Variants in DDX55 observed in about 807,000 individuals in gnomAD.
The protein encoded by DDX55 is DEAD-box helicase 55.
A neutral mutation model predicts 69.2 loss-of-function variants in DDX55; 56 were observed. The ratio of observed to expected loss-of-function variants is 0.81; its 90% CI spans 0.65 to 1.01. The LOEUF is 1.01. Ranked by LOEUF, DDX55 falls within the 50% of genes least tolerant of loss-of-function variation. The probability of loss-of-function intolerance (pLI) is 0.00; values close to 1 mark genes in which losing one functional copy is unlikely to be tolerated. For missense variants in DDX55, 720 were observed against 745.1 expected (o/e 0.97, Z 0.39); for synonymous variants, 268 against 273.1 (o/e 0.98, Z 0.18).
At chr12:123,615,163 A>G in intron 8 of DDX55, 22 bp from the exon 9 acceptor site, 1 of 1,613,612 alleles carries the variant, frequency 6.2e-7, no homozygotes, top group Non-Finnish European at 8.5e-7. Context: ...CAATGACTCT[A>G]AGCCCTCTGT....
chr12:123,603,657 T>A (rs956046751), intron 1 of DDX55, among the ~76,000 whole-genome samples: 13 of 152,122 alleles, frequency 8.5e-5, no homozygotes, highest in Admixed American at 7.2e-4. Context: ...CCCAAAGTGC[T>A]GGGATTACAG....
chr12:123,610,189 T>A, intron 7 of DDX55, 61 bp downstream of exon 7: 1 of 1,540,914 alleles, frequency 6.5e-7, no homozygotes, highest in South Asian at 1.2e-5. Flanking sequence ...TTATGGAAAT[T>A]GTACTGGTAG....
chr12:123,613,622 G>A (rs1459663248), intron 8 of DDX55, among the ~76,000 whole-genome samples: 1 of 152,192 alleles, frequency 6.6e-6, no homozygotes, highest in Non-Finnish European at 1.5e-5. Flanking sequence ...TTAGGGCAAT[G>A]TTAGCTATAT....
At chr12:123,619,854 A>G (rs1365850708) in intron 13 of DDX55, 110 bp from the exon 14 acceptor site, 5 of 1,521,482 alleles carry the variant, frequency 3.3e-6, no homozygotes, top group East Asian at 2.3e-5. Context: ...AATTTGCTCT[A>G]TTTGCAGAAG....
At chr12:123,604,655 A>G (rs983191118) in intron 1 of DDX55, among the ~76,000 whole-genome samples, 2 of 152,194 alleles carry the variant, frequency 1.3e-5, no homozygotes, top group Non-Finnish European at 2.9e-5. Context: ...CAAATAACAC[A>G]CTAGATTTTG....
intron 1 of DDX55, 137 bp from the exon 2 acceptor site, chr12:123,605,791 ATGG>A: frequency 9.0e-7 from 1 of 1,117,306 alleles, no homozygotes. Flanking sequence ...CAACTTCTCT[ATGG>A]TGACTTGGTT....
chr12:123,602,387 G>T, intron 1 of DDX55, 131 bp downstream of exon 1: 1 of 876,922 alleles, frequency 1.1e-6, no homozygotes, highest in Middle Eastern at 3.6e-4. Flanking sequence ...CTCTTGCCTT[G>T]TCTCCAGCTG....
chr12:123,618,976 G>C, intron 12 of DDX55, 139 bp downstream of exon 12: 1 of 1,281,928 alleles, frequency 7.8e-7, no homozygotes, highest in Non-Finnish European at 1.1e-6. Flanking sequence ...ACTGGCTGCT[G>C]AGTATTCCTT....
intron 13 of DDX55, 48 bp from the exon 14 acceptor site, chr12:123,619,916 C>T: frequency 1.3e-6 from 2 of 1,579,294 alleles, no homozygotes; most frequent in Non-Finnish European, 1.7e-6. Flanking sequence ...TTCACTACAA[C>T]ACTATTGCTG....
chr12:123,614,392 A>C (rs1055152119), intron 8 of DDX55, among the ~76,000 whole-genome samples: 2 of 152,226 alleles, frequency 1.3e-5, no homozygotes, highest in Non-Finnish European at 2.9e-5. Context: ...AGTCTGGTCT[A>C]GTGGGAGGAG....
intron 7 of DDX55, 143 bp downstream of exon 7, chr12:123,610,271 G>C (rs1267521209): frequency 9.7e-7 from 1 of 1,034,300 alleles, no homozygotes; most frequent in East Asian, 2.6e-5. Context: ...CAAATGGCCT[G>C]AGTGGTCCTA....
intron 10 of DDX55, 30 bp downstream of exon 10, chr12:123,616,633 G>A: frequency 3.8e-6 from 6 of 1,599,884 alleles, no homozygotes; most frequent in African/African-American, 2.7e-5. Context: ...CCCACTCTCT[G>A]TTGAGGAATT....
In DDX55 at chr12:123,619,614, A is replaced by C; in HGVS notation, c.1516A>C (p.Lys506Gln). 1.2e-6 allele frequency: 2 copies of C among 1,613,874 alleles called. No homozygotes were observed. The highest frequency in any genetic ancestry group is 1.7e-6 in the Non-Finnish European group (2 of 1,179,994). Residue 506 changes from lysine (K) to glutamine (Q), a missense_variant, in exon 13 of 14, where the codon AAA becomes CAA. Physicochemically the swap from Lys to Gln is moderately conservative, Grantham distance 53 (BLOSUM62 1). Transcript: ENST00000238146. ...QKLLEQQRRE[K>Q]TENEGRRKFI... ...ACTCCTGGAGCAACAAAGAAGAGAG[A>C]AAACAGAAAATGAAGGGAGAAGAAA...
In DDX55 at chr12:123,618,796, C is replaced by T. The variant is rs375169104; in HGVS notation, c.1292C>T (p.Ala431Val). ...GMKAFVSYVQ[A>V]YAKHECNLIF... is the part of the protein sequence containing the mutation. ...AAAGCTTTTGTGTCATATGTCCAAGCTTATGCAAAGCATGAATGCAACCTG... is the reference window on the plus strand; with the variant it reads ...AAAGCTTTTGTGTCATATGTCCAAGTTTATGCAAAGCATGAATGCAACCTG... Residue 431 changes from alanine (A) to valine (V), a missense_variant, in exon 12 of 14, where the codon GCT becomes GTT. Coordinates refer to ENST00000238146, the MANE Select transcript of DDX55 (RefSeq NM_020936.3). 1.2e-6 allele frequency: 2 copies of T among 1,614,074 alleles called. No individual in the cohort carries two copies. Among genetic ancestry groups the T allele is most frequent in the African/African-American group, 2.7e-5 (2 of 74,932 alleles).
At chr12:123,618,463 T>A (rs973191496) in intron 11 of DDX55, 2 of 1,462,172 alleles carry the variant, frequency 1.4e-6, no homozygotes, top group South Asian at 2.4e-5. Context: ...ATTAGGATTG[T>A]CATGTGAAAT....
intron 7 of DDX55, 108 bp from the exon 8 acceptor site, chr12:123,613,062 C>T: frequency 1.8e-6 from 2 of 1,128,504 alleles, no homozygotes; most frequent in South Asian, 2.7e-5. Context: ...TCTGTCCTAC[C>T]CATGGGGGAA....
rs369457066 is a variant in DDX55, at chr12:123,617,801, G to T, written c.1093G>T (p.Gly365Trp). ...CGGTCGCACAGCTCGCATTGGCCAC[G>T]GGGGCAGCGCTCTGGTGTTCCTCCT... Reference protein sequence around the residue: ...RCGRTARIGHGGSALVFLLPM... With the variant: ...RCGRTARIGHWGSALVFLLPM... The change falls in exon 11 of 14, where the codon GGG becomes TGG. Residue 365 changes from glycine (G) to tryptophan (W), a missense_variant. Gly to Trp is a radical substitution (Grantham distance 184, BLOSUM62 -2). Coordinates refer to ENST00000238146, the MANE Select transcript of DDX55 (RefSeq NM_020936.3). 1.3e-5 allele frequency: 21 copies of T among 1,613,532 alleles called. No homozygotes were observed. The highest frequency in any genetic ancestry group is 1.7e-5 in the Non-Finnish European group (20 of 1,179,864).
In DDX55 at chr12:123,620,172, T is replaced by C. The variant is rs535813775; in HGVS notation, c.*32T>C. 7.0e-6 allele frequency: 11 copies of C among 1,577,424 alleles called. No individual in the cohort carries two copies. Among genetic ancestry groups the C allele is most frequent in the Admixed American group, 1.8e-5 (1 of 54,512 alleles). ...TGCCACAGATGAACCCACAAGGACATAGCTGTTCCCTAACTTGGTGGATGG... is the reference window on the plus strand; with the variant it reads ...TGCCACAGATGAACCCACAAGGACACAGCTGTTCCCTAACTTGGTGGATGG... On this transcript the variant is annotated 3_prime_UTR_variant, in exon 14 of 14. Coordinates refer to ENST00000238146, the MANE Select transcript of DDX55 (RefSeq NM_020936.3).
chr12:123,617,366 A>T (rs757616883), intron 10 of DDX55, among the ~76,000 whole-genome samples: 21 of 152,256 alleles, frequency 1.4e-4, no homozygotes, highest in Non-Finnish European at 2.9e-4. Flanking sequence ...TATTCCTAAT[A>T]CATGCTTCCA....
Sources: allele counts gnomAD v4.1 joint callset (sites outside exome capture counted in the v4.1 genomes callset), GRCh38; gene constraint gnomAD v4.1.1; transcripts MANE v1.5; gene names NCBI Gene and HGNC (gene_info 2026-07-23, HGNC 2026-07-21).